Variants in SNX25 observed in about 807,000 individuals in gnomAD.
The protein encoded by SNX25 is sorting nexin 25.
A neutral mutation model predicts 113.7 loss-of-function variants in SNX25; 62 were observed. The ratio of observed to expected loss-of-function variants is 0.55; its 90% CI spans 0.44 to 0.67. SNX25 has a LOEUF of 0.67. Ranked by LOEUF, SNX25 falls within the 30% of genes least tolerant of loss-of-function variation. The pLI is 0.00. For synonymous variants in SNX25, 421 were observed against 436.2 expected, an observed-to-expected ratio of 0.97 and a Z score of 0.43; for missense variants, 1,014 against 1,161.0, an observed-to-expected ratio of 0.87 and a Z score of 1.84.
At chr4:185,212,488 TG>T (rs398051408) in intron 1 of SNX25, among the ~76,000 whole-genome samples, 3 of 60,676 alleles carry the variant, frequency 4.9e-5, no homozygotes, top group Non-Finnish European at 7.3e-5. Context: ...TGTGTGTGTG[TG>T]TGTTTTTTTT....
intron 1 of SNX25, among the ~76,000 whole-genome samples, chr4:185,221,771 T>G (rs1338240793): frequency 8.3e-6 from 1 of 120,136 alleles, no homozygotes; most frequent in East Asian, 2.7e-4. Context: ...TTTTTCTGTC[T>G]GTAGGGACTT....
intron 10 of SNX25, among the ~76,000 whole-genome samples, chr4:185,333,200 G>A (rs2095207620): frequency 6.6e-6 from 1 of 152,252 alleles, no homozygotes; most frequent in Non-Finnish European, 1.5e-5. Context: ...GTTTAAAAAT[G>A]TAAACAGCAT....
intron 7 of SNX25, among the ~76,000 whole-genome samples, chr4:185,313,742 C>T (rs533484734): frequency 1.7e-4 from 26 of 152,270 alleles, no homozygotes; most frequent in Non-Finnish European, 3.4e-4. Flanking sequence ...TGCTGACTCT[C>T]CCCTGAGCAA....
chr4:185,342,044 A>T lies in SNX25; in HGVS notation c.2115A>T (p.Gly705=). 4.3e-6 allele frequency: 7 copies of T among 1,611,650 alleles called. No individual in the cohort carries two copies. Among genetic ancestry groups the T allele is most frequent in the Non-Finnish European group, 5.9e-6 (7 of 1,179,028 alleles). Residue 705 remains glycine, a synonymous_variant, in exon 12 of 19, where the codon GGA becomes GGT. Coordinates refer to ENST00000652585, the MANE Select transcript of SNX25 (RefSeq NM_001378034.2). ...TGGTAAGCCTACAAGAAGTTGGAGG[A>T]GTTGAAACTAAGAACTGGACGGTCC... is the stretch of plus-strand genomic sequence containing the variant. ...FVMVSLQEVG[G]VETKNWTVPR... is the part of the protein sequence containing the mutation.
chr4:185,378,598 C>G, the SNX25 span: 15 of 996,298 alleles, frequency 1.5e-5, no homozygotes, highest in Non-Finnish European at 1.8e-5. Flanking sequence ...GTAACTGACA[C>G]TCATCGGACG....
intron 7 of SNX25, among the ~76,000 whole-genome samples, chr4:185,313,354 G>A (rs901377647): frequency 3.3e-5 from 5 of 152,164 alleles, no homozygotes; most frequent in Non-Finnish European, 7.3e-5. Context: ...GAGTCAGTTC[G>A]TCAGGAAGAT....
chr4:185,262,413 G>T (rs1747450083), intron 3 of SNX25, among the ~76,000 whole-genome samples: 1 of 152,044 alleles, frequency 6.6e-6, no homozygotes, highest in African/African-American at 2.4e-5. Context: ...AGTTTTCTTT[G>T]CTGGTCGAGT....
At chr4:185,374,046 A>C, downstream of SNX25, 1 of 1,071,658 alleles carries the variant, frequency 9.3e-7, no homozygotes, top group East Asian at 2.5e-5. Flanking sequence ...GATATTTAAA[A>C]CGACATTCCC....
rs1038794245 is a variant in SNX25, at chr4:185,210,119, T to C, written c.293T>C (p.Leu98Pro). The C allele has an allele frequency of 1.0e-6, 1 of 984,082 alleles. No homozygotes were observed. The highest frequency in any genetic ancestry group is 1.2e-6 in the Non-Finnish European group (1 of 829,532). 61.0% of individuals were successfully genotyped at this position (984,082 alleles called of 1,614,324 possible). ...GTCCTGTTCAGGCTCAGCCTGTACC[T>C]GAGCTGCGCGGCGGCCGCCTTCCTG... ...SSVLFRLSLY[L>P]SCAAAAFLLG... The change falls in exon 1 of 19, where the codon CTG becomes CCG. Residue 98 changes from leucine to proline, a missense_variant. Coordinates refer to ENST00000652585, the MANE Select transcript of SNX25 (RefSeq NM_001378034.2). This position sits in a 1 kb window ranked among gnomAD's most constrained non-coding sequence, Gnocchi z 4.4.
intron 2 of SNX25, among the ~76,000 whole-genome samples, chr4:185,252,751 G>A (rs184848188): frequency 6.6e-6 from 1 of 152,142 alleles, no homozygotes; most frequent in Non-Finnish European, 1.5e-5. Flanking sequence ...AGTCTTTACA[G>A]ATTGAATTAC....
downstream of SNX25, among the ~76,000 whole-genome samples, chr4:185,368,655 A>G (rs147309522): frequency 1.1e-4 from 17 of 152,346 alleles, no homozygotes; most frequent in East Asian, 3.3e-3. Context: ...CAGTATCCCC[A>G]TAATGTACAA....
chr4:185,280,165 C>T (rs556065767), intron 5 of SNX25, among the ~76,000 whole-genome samples: 1 of 152,278 alleles, frequency 6.6e-6, no homozygotes, highest in Middle Eastern at 3.4e-3. Flanking sequence ...ATCCACCGAC[C>T]TTGGCCTCCC....
chr4:185,367,342 G>GT, downstream of SNX25: 1 of 1,054,670 alleles, frequency 9.5e-7, no homozygotes, highest in Non-Finnish European at 1.4e-6. Context: ...TTTAAGAATA[G>GT]TAAAGTACAG....
At chr4:185,295,122 G>A (rs925418468) in intron 6 of SNX25, among the ~76,000 whole-genome samples, 12 of 152,138 alleles carry the variant, frequency 7.9e-5, no homozygotes, top group Non-Finnish European at 1.0e-4. Flanking sequence ...AATTTTTAGC[G>A]TTAAAAAATC....
At chr4:185,271,832 C>CA (rs568980350) in intron 5 of SNX25, among the ~76,000 whole-genome samples, 5 of 152,124 alleles carry the variant, frequency 3.3e-5, no homozygotes, top group African/African-American at 4.8e-5. Flanking sequence ...AAAACAAACA[C>CA]AAAAAACCTT....
At chr4:185,298,669 A>G (rs1012026094) in intron 6 of SNX25, among the ~76,000 whole-genome samples, 4 of 151,702 alleles carry the variant, frequency 2.6e-5, no homozygotes, top group South Asian at 2.1e-4. Context: ...TAACTTTTCT[A>G]TTTCCTGAAC....
At chr4:185,335,359 AC>A (rs2095223188) in intron 10 of SNX25, among the ~76,000 whole-genome samples, 1 of 144,672 alleles carries the variant, frequency 6.9e-6, no homozygotes, top group Non-Finnish European at 1.5e-5. Flanking sequence ...CACACACACA[AC>A]AAAAACAAAA....
chr4:185,351,906 C>CGGGGTGG (rs1554012567), intron 14 of SNX25, among the ~76,000 whole-genome samples: 1 of 141,912 alleles, frequency 7.0e-6, no homozygotes, highest in Non-Finnish European at 1.5e-5. Context: ...GCCGTCATTG[C>CGGGGTGG]GGGGTGGGGG....
intron 2 of SNX25, among the ~76,000 whole-genome samples, chr4:185,254,217 A>G (rs1031194881): frequency 6.6e-6 from 1 of 152,100 alleles, no homozygotes; most frequent in Non-Finnish European, 1.5e-5. Flanking sequence ...GGATAAATAC[A>G]TAGCTCTATC....
Sources: gnomAD v4.1 joint callset for allele counts (sites outside exome capture counted in the v4.1 genomes callset) on GRCh38, gnomAD v4.1.1 for gene constraint, Gnocchi (gnomAD v3.1) non-coding constraint, MANE v1.5 for transcripts, NCBI Gene and HGNC (gene_info 2026-07-23, HGNC 2026-07-21) for gene names.